CSMD3: variants seen among roughly 807,000 people sequenced by gnomAD.
The protein encoded by CSMD3 is CUB and sushi domain-containing protein 3.
In CSMD3, 177 loss-of-function variants were observed where a neutral mutation model predicts 435.2. The ratio of observed to expected loss-of-function variants is 0.41; its 90% CI spans 0.36 to 0.46. The LOEUF is 0.46. CSMD3 is among the 20% of genes least tolerant of loss of function. The pLI is 0.34. For synonymous variants in CSMD3, 1,656 were observed against 1,520.5 expected, an observed-to-expected ratio of 1.09 and a Z score of -2.07; for missense variants, 4,265 against 4,504.6, an observed-to-expected ratio of 0.95 and a Z score of 1.52.
At chr8:112,990,087 C>G (rs1158274059) in intron 6 of CSMD3, among the ~76,000 whole-genome samples, 1 of 151,958 alleles carries the variant, frequency 6.6e-6, no homozygotes, top group Non-Finnish European at 1.5e-5. Context: ...TGAGGCCTCC[C>G]CAGCCACGTG....
At chr8:112,341,848 G>A (rs1003261164) in intron 41 of CSMD3, among the ~76,000 whole-genome samples, 162 bp from the exon 42 acceptor site, 20 of 152,234 alleles carry the variant, frequency 1.3e-4, no homozygotes, top group African/African-American at 4.3e-4. Flanking sequence ...GCCTAGGACA[G>A]GTAACTTTGC....
At chr8:112,569,209 G>A (rs540916275) in intron 24 of CSMD3, among the ~76,000 whole-genome samples, 1 of 152,172 alleles carries the variant, frequency 6.6e-6, no homozygotes, top group Non-Finnish European at 1.5e-5. Flanking sequence ...AGTTACAGTA[G>A]CCAACTTGTG....
At chr8:112,584,343 C>G (rs1296500354) in intron 23 of CSMD3, among the ~76,000 whole-genome samples, 2 of 151,552 alleles carry the variant, frequency 1.3e-5, no homozygotes, top group African/African-American at 4.8e-5. Flanking sequence ...TAAAAAAAAT[C>G]TAGAGGAGTC....
intron 5 of CSMD3, among the ~76,000 whole-genome samples, chr8:113,094,648 T>C (rs2090107623): frequency 6.6e-6 from 1 of 152,234 alleles, no homozygotes; most frequent in Non-Finnish European, 1.5e-5. Context: ...CAATAATCTA[T>C]TGTATATTTC....
At chr8:113,047,211 C>T (rs1182567933) in intron 5 of CSMD3, among the ~76,000 whole-genome samples, 3 of 152,116 alleles carry the variant, frequency 2.0e-5, no homozygotes, top group African/African-American at 7.2e-5. Context: ...TAATAGTTAC[C>T]GTAAATATAT....
rs113352717 is a variant in CSMD3, at chr8:112,725,524, T to C, written c.1973-35474A>G. 4.7e-3 allele frequency among the ~76,000 whole-genome samples: 720 copies of C among 152,066 alleles called. 3 individuals are homozygous for C. The highest frequency in any genetic ancestry group is 7.1e-3 in the Non-Finnish European group (482 of 67,900). ...GTAGTTCAAATGGAAGTTGATTCAA[T>C]CCAAATTAATAAACTCTAAATCATG... On this transcript the variant is annotated intron_variant, in intron 13 of 70. Transcript: ENST00000297405.
At chr8:112,797,258 G>C (rs2078851571) in intron 13 of CSMD3, among the ~76,000 whole-genome samples, 1 of 151,748 alleles carries the variant, frequency 6.6e-6, no homozygotes, top group South Asian at 2.1e-4. Flanking sequence ...TCCTACATTT[G>C]GAGGGAATGA....
chr8:112,342,405 T>C (rs1393178312), intron 41 of CSMD3, among the ~76,000 whole-genome samples: 1 of 152,132 alleles, frequency 6.6e-6, no homozygotes, highest in Non-Finnish European at 1.5e-5. Context: ...TCAATTTTAG[T>C]AAATTTGATG....
At chr8:113,131,403 T>C (rs2091280676) in intron 4 of CSMD3, among the ~76,000 whole-genome samples, 2 of 152,092 alleles carry the variant, frequency 1.3e-5, no homozygotes, top group East Asian at 2.0e-4. Flanking sequence ...CCACTCCACC[T>C]CTAGTCATGG....
chr8:112,489,673 G>A (rs760876315), intron 31 of CSMD3, among the ~76,000 whole-genome samples: 53 of 152,040 alleles, frequency 3.5e-4, no homozygotes, highest in Non-Finnish European at 6.2e-4. Flanking sequence ...GAAAAGTCAC[G>A]CAGAAACTCA....
chr8:112,853,147 G>GA (rs756582038), intron 11 of CSMD3, among the ~76,000 whole-genome samples: 1 of 152,128 alleles, frequency 6.6e-6, no homozygotes, highest in Non-Finnish European at 1.5e-5. Flanking sequence ...GAAGTATACA[G>GA]AAAAATATGC....
At chr8:112,270,345 T>A (rs1024578354) in intron 59 of CSMD3, among the ~76,000 whole-genome samples, 3 of 6,222 alleles carry the variant, frequency 4.8e-4, no homozygotes, top group South Asian at 3.3e-3. Context: ...GAGGGGTGAG[T>A]GTGTGTGTGT....
intron 1 of CSMD3, among the ~76,000 whole-genome samples, chr8:113,397,733 G>A (rs1300626779): frequency 6.6e-6 from 1 of 151,920 alleles, no homozygotes; most frequent in Admixed American, 6.6e-5. Flanking sequence ...CAGGAGAATG[G>A]CGTGAACCCG....
chr8:112,617,018 C>T (rs1833709255), intron 22 of CSMD3, among the ~76,000 whole-genome samples: 1 of 152,126 alleles, frequency 6.6e-6, no homozygotes, highest in Admixed American at 6.6e-5. Flanking sequence ...TAAGGAACCC[C>T]AGAACATTCT....
chr8:112,975,806 A>G (rs2130930948), intron 7 of CSMD3, 31 bp downstream of exon 7: 1 of 1,611,902 alleles, frequency 6.2e-7, no homozygotes, highest in Non-Finnish European at 8.5e-7. Context: ...GGCTGTAACT[A>G]AATGGGCACA....
chr8:113,395,863 A>G (rs766450838), intron 1 of CSMD3, among the ~76,000 whole-genome samples: 55 of 152,206 alleles, frequency 3.6e-4, no homozygotes, highest in Non-Finnish European at 6.2e-4. Flanking sequence ...ATTTCTTTTA[A>G]CCATGTTCTA....
At chr8:113,026,410 A>T (rs759560725) in intron 5 of CSMD3, among the ~76,000 whole-genome samples, 1 of 152,120 alleles carries the variant, frequency 6.6e-6, no homozygotes, top group Non-Finnish European at 1.5e-5. Context: ...GTAGTTCTCT[A>T]TTCATTGTTT....
At chr8:113,410,955 G>C (rs148005381) in intron 1 of CSMD3, among the ~76,000 whole-genome samples, 1 of 86,136 alleles carries the variant, frequency 1.2e-5, no homozygotes. Context: ...GAAAGAAAGA[G>C]AAGGGAGGGA....
At chr8:112,834,017 T>C (rs1053076199) in intron 11 of CSMD3, among the ~76,000 whole-genome samples, 12 of 151,966 alleles carry the variant, frequency 7.9e-5, no homozygotes, top group African/African-American at 2.7e-4. Flanking sequence ...GCTAGTTCTA[T>C]GCCAAACTCT....
Sources: allele counts gnomAD v4.1 joint callset (sites outside exome capture counted in the v4.1 genomes callset), GRCh38; gene constraint gnomAD v4.1.1; transcripts MANE v1.5; gene names NCBI Gene and HGNC (gene_info 2026-07-23, HGNC 2026-07-21).